Variants in RTEL1 observed in about 807,000 individuals in gnomAD.
The protein encoded by RTEL1 is regulator of telomere length.
A neutral mutation model predicts 162.2 loss-of-function variants in RTEL1; 86 were observed. That is an observed-to-expected ratio of 0.53 (90% CI 0.45 to 0.63). The LOEUF (loss-of-function observed/expected upper bound fraction) is 0.63, where lower values mean the gene tolerates loss of function less well. Among genes scored for constraint, RTEL1 ranks in the 30% least tolerant of loss-of-function variants. The probability of loss-of-function intolerance (pLI) is 0.00; values close to 1 mark genes in which losing one functional copy is unlikely to be tolerated. For synonymous variants in RTEL1, 958 were observed against 717.9 expected, an observed-to-expected ratio of 1.33 and a Z score of -5.35; for missense variants, 1,941 against 1,750.2, an observed-to-expected ratio of 1.11 and a Z score of -1.95.
chr20:63,681,446 G>C lies in RTEL1; in HGVS notation c.1191+727G>C, dbSNP rs576092049. 287 of 985,346 alleles carry C rather than the reference G, an allele frequency of 2.9e-4. No homozygotes were observed. In the African/African-American group the frequency reaches 4.7e-3, roughly 16 times the overall value. The allele number at this position is 985,346 out of a possible 1,614,324, so 61.0% of individuals were successfully genotyped here. A position where few individuals can be genotyped will look rare whatever the true frequency, so the allele number is the denominator to read the frequency against. On this transcript the variant is annotated intron_variant, in intron 14 of 34. Transcript: ENST00000360203. The stretch of plus-strand genomic sequence containing the variant: ...TGTGGAGCCCTGTGAGGCCTCCTCT[G>C]TGCTGCCCACGCTGTACCTGCTGGC...
At chr20:63,666,328 T>C (rs1436786285) in intron 7 of RTEL1, among the ~76,000 whole-genome samples, 1 of 152,272 alleles carries the variant, frequency 6.6e-6, no homozygotes, top group African/African-American at 2.4e-5. Context: ...TGCAGGCCTG[T>C]GTCTGTGCGG....
At position 63,661,821 on chromosome 20, in the gene RTEL1, G is replaced by T; in HGVS notation, c.302-29G>T. The T allele has an allele frequency of 6.3e-7, 1 of 1,597,778 alleles. No homozygotes were observed. Among genetic ancestry groups the T allele is most frequent in the South Asian group, 1.1e-5 (1 of 90,694 alleles). ...CGTGAGAACGTTGTCTGAGAACCGT[G>T]ACTTCTGTGCTTGCTTGTGTCTGGT... On this transcript the variant is annotated intron_variant, in intron 3 of 34. Coordinates refer to ENST00000360203, the MANE Select transcript of RTEL1 (RefSeq NM_001283009.2). The surrounding 1 kb of genome is among the most constrained non-coding windows in gnomAD (Gnocchi z 5.1).
intron 14 of RTEL1, chr20:63,682,587 C>T: frequency 6.1e-6 from 6 of 985,998 alleles, no homozygotes; most frequent in Non-Finnish European, 7.2e-6. Flanking sequence ...CAGCTTCTGC[C>T]AGCCCTCGGG....
Position 63,687,997 on chromosome 20 carries a change from G to A in RTEL1, c.1542G>A (p.Gly514=), listed in dbSNP as rs116641785. The A allele has an allele frequency of 1.9e-6, 3 of 1,612,834 alleles. No individual in the cohort carries two copies. The highest frequency in any genetic ancestry group is 2.2e-5 in the East Asian group (1 of 44,882). ...HIIDKHQIWV[G]VVPRGPDGAQ... ...TCGACAAGCACCAGATCTGGGTGGG[G>A]GTCGTCCCCAGAGGCCCCGATGGAG... Residue 514 remains glycine (G), a synonymous_variant, in exon 18 of 35, where the codon GGG becomes GGA. Transcript: ENST00000360203.
Position 63,672,486 on chromosome 20 carries a change from C to T in RTEL1, c.700-70C>T. 4.8e-6 allele frequency: 6 copies of T among 1,244,612 alleles called. No individual in the cohort carries two copies. In the East Asian group the frequency reaches 1.3e-4, roughly 26 times the overall value. The allele number at this position is 1,244,612 out of a possible 1,614,324, so 77.1% of individuals were successfully genotyped here. On this transcript the variant is annotated intron_variant, in intron 8 of 34. Coordinates refer to ENST00000360203, the MANE Select transcript of RTEL1 (RefSeq NM_001283009.2). ...CTTGTGATGTTCGATGCCTGCTGCA[C>T]ATGTCTTGGCTTCCCTCTTTCCCGG...
intron 4 of RTEL1, 122 bp downstream of exon 4, chr20:63,662,065 C>T (rs559299869): frequency 2.1e-5 from 17 of 815,538 alleles, no homozygotes; most frequent in Admixed American, 1.1e-4. Context: ...GACGCTCCCC[C>T]GAAGTGTGCA....
chr20:63,695,089 C>T lies in RTEL1; in HGVS notation c.3367C>T (p.His1123Tyr), dbSNP rs1479921630. 6.2e-7 allele frequency: 1 copy of T among 1,612,332 alleles called. No individual in the cohort carries two copies. The highest frequency in any genetic ancestry group is 8.5e-7 in the Non-Finnish European group (1 of 1,179,862). Residue 1123 changes from histidine to tyrosine, a missense_variant, in exon 33 of 35, where the codon CAC (histidine) becomes TAC (tyrosine). Coordinates refer to ENST00000360203, the MANE Select transcript of RTEL1 (RefSeq NM_001283009.2). The part of the protein sequence containing the change: ...LHRFSMFVRP[H>Y]HKQRFSQTCT... ...AGGGTTCAGCATGTTTGTGCGTCCACACCACAAGCAGCGCTTCTCACAGAC... is the reference window on the plus strand; with the variant it reads ...AGGGTTCAGCATGTTTGTGCGTCCATACCACAAGCAGCGCTTCTCACAGAC...
At chr20:63,674,314 C>T (rs1013913087) in intron 10 of RTEL1, among the ~76,000 whole-genome samples, 1 of 152,222 alleles carries the variant, frequency 6.6e-6, no homozygotes, top group African/African-American at 2.4e-5. Context: ...CCGCTTCTCT[C>T]AGAGGCTTCT....
At position 63,690,829 on chromosome 20, in the gene RTEL1, A is replaced by G. The variant is rs756711633; in HGVS notation, c.2438A>G (p.Glu813Gly). 6.2e-7 allele frequency: 1 copy of G among 1,604,892 alleles called. No individual in the cohort carries two copies. Among genetic ancestry groups the G allele is most frequent in the Admixed American group, 1.7e-5 (1 of 59,392 alleles). ...SSGSPAAGDPESSLCVEYEQE... is the reference protein window; with the variant it reads ...SSGSPAAGDPGSSLCVEYEQE... Reference sequence around the variant, plus strand: ...GGGTCACCAGCTGCCGGGGACCCCGAGAGTAGCCTGTGTGTGGAGTATGAG... The same window carrying G: ...GGGTCACCAGCTGCCGGGGACCCCGGGAGTAGCCTGTGTGTGGAGTATGAG... Residue 813 changes from glutamate to glycine, a missense_variant, in exon 27 of 35, where the codon GAG becomes GGG. By Grantham distance (98) the Glu-to-Gly change is moderately conservative. Transcript: ENST00000360203.
chr20:63,671,923 G>A (rs113344249), intron 8 of RTEL1, among the ~76,000 whole-genome samples: 8,241 of 151,888 alleles, frequency 0.054, 757 homozygotes, highest in African/African-American at 0.19. Context: ...TCACTCTGTC[G>A]CCTAGGCTGG....
intron 8 of RTEL1, among the ~76,000 whole-genome samples, chr20:63,670,618 CTGTGAAGTTG>C (rs1337051004): frequency 3.3e-5 from 5 of 152,230 alleles, no homozygotes; most frequent in Non-Finnish European, 5.9e-5. Context: ...TCATCCATCG[CTGTGAAGTTG>C]TGTAGCCACT....
intron 14 of RTEL1, chr20:63,681,617 A>G (rs914282030): frequency 1.0e-6 from 1 of 985,386 alleles, no homozygotes; most frequent in African/African-American, 1.7e-5. Context: ...GCTGCTGGGC[A>G]TGGAGCTGCA....
chr20:63,666,170 TC>T, intron 7 of RTEL1, 91 bp downstream of exon 7: 1 of 1,021,550 alleles, frequency 9.8e-7, no homozygotes, highest in Non-Finnish European at 1.5e-6. Context: ...TCTTCACTTT[TC>T]TTTGTTCCTT....
chr20:63,676,648 G>A (rs2090355220), intron 10 of RTEL1, among the ~76,000 whole-genome samples: 1 of 152,160 alleles, frequency 6.6e-6, no homozygotes, highest in African/African-American at 2.4e-5. Flanking sequence ...ACAAATGCTG[G>A]GGGTGGGCCG....
intron 14 of RTEL1, chr20:63,681,711 G>C (rs2090480970): frequency 3.0e-6 from 3 of 985,322 alleles, no homozygotes; most frequent in African/African-American, 1.7e-5. Context: ...ACCAGGTGGG[G>C]TGGGCACAGG....
chr20:63,696,192 G>C lies in RTEL1; in HGVS notation c.*334G>C. The C allele has an allele frequency of 2.3e-6, 1 of 435,754 alleles. No homozygotes were observed. Among genetic ancestry groups the C allele is most frequent in the Non-Finnish European group, 4.1e-6 (1 of 242,050 alleles). 27.0% of individuals were successfully genotyped at this position (435,754 alleles called of 1,614,324 possible). ...AAGGAGGAGACCCCCGTGGGCACGT[G>C]TCCACTTTTAATCAGGGGACAGGGC... On this transcript the variant is annotated 3_prime_UTR_variant, in exon 35 of 35. Transcript: ENST00000360203.
At chr20:63,693,663 TCCACCACCACCACCACCACCACCA>T (rs1568721401) in intron 30 of RTEL1, among the ~76,000 whole-genome samples, 1 of 2,704 alleles carries the variant, frequency 3.7e-4, no homozygotes, top group Admixed American at 5.1e-3. Flanking sequence ...CACCACCACC[TCCACCACCACCACCACCACCACCA>T]CCACCACCAC....
intron 2 of RTEL1, among the ~76,000 whole-genome samples, chr20:63,660,107 G>A (rs1459520772): frequency 6.6e-6 from 1 of 152,194 alleles, no homozygotes; most frequent in Non-Finnish European, 1.5e-5. Context: ...CCTGCCACAG[G>A]GCGGCTTTTC....
chr20:63,679,985 G>C, intron 13 of RTEL1, 39 bp downstream of exon 13: 1 of 1,455,154 alleles, frequency 6.9e-7, no homozygotes, highest in Non-Finnish European at 9.5e-7. Context: ...GGGCAAATGT[G>C]GCGTAGGGGG....
Sources: allele counts gnomAD v4.1 joint callset (sites outside exome capture counted in the v4.1 genomes callset), GRCh38; gene constraint gnomAD v4.1.1; non-coding constraint Gnocchi (gnomAD v3.1); transcripts MANE v1.5; gene names NCBI Gene and HGNC (gene_info 2026-07-23, HGNC 2026-07-21).